Variants in QTGAL observed in about 807,000 individuals in gnomAD.
QTGAL encodes queuosine-tRNA galactosyltransferase.
At chr17:82,973,105 C>T in the QTGAL span, among the ~76,000 whole-genome samples, 2 of 152,234 alleles carry the variant, frequency 1.3e-5, no homozygotes, top group African/African-American at 2.4e-5. Context: ...GGGGCCACCG[C>T]CCACTCACAA....
At chr17:82,956,965 G>T in the QTGAL span, 3 of 941,700 alleles carry the variant, frequency 3.2e-6, no homozygotes, top group South Asian at 1.5e-5. This position sits in a 1 kb window ranked among gnomAD's most constrained non-coding sequence, Gnocchi z 5.7. Context: ...CCTGACACCC[G>T]ACTGCAGAAC....
chr17:82,990,738 C>T, the QTGAL span, among the ~76,000 whole-genome samples: 2 of 152,180 alleles, frequency 1.3e-5, no homozygotes, highest in African/African-American at 2.4e-5. Context: ...AAGCCCTAAC[C>T]CCCTATTTGA....
chr17:83,029,335 C>G, the QTGAL span, among the ~76,000 whole-genome samples: 1 of 152,158 alleles, frequency 6.6e-6, no homozygotes, highest in African/African-American at 2.4e-5. Flanking sequence ...GTGGTACCCA[C>G]TTTATAAAGT....
chr17:83,033,258 C>T, the QTGAL span, among the ~76,000 whole-genome samples: 15 of 152,100 alleles, frequency 9.9e-5, no homozygotes, highest in Non-Finnish European at 5.9e-5. Context: ...GGAGACCTGC[C>T]GGAAACTTCT....
chr17:83,012,017 C>T, the QTGAL span, among the ~76,000 whole-genome samples: 1 of 106,102 alleles, frequency 9.4e-6, no homozygotes, highest in African/African-American at 3.9e-5. Flanking sequence ...TCTCCCAGCT[C>T]GTTTGAACAC....
At chr17:83,029,688 G>A in the QTGAL span, among the ~76,000 whole-genome samples, 2,303 of 152,258 alleles carry the variant, frequency 0.015, 58 homozygotes, top group African/African-American at 0.052. Flanking sequence ...AGGACACAGC[G>A]CGTCTGCACG....
the QTGAL span, among the ~76,000 whole-genome samples, chr17:82,951,642 G>A: frequency 2.6e-4 from 40 of 152,226 alleles, no homozygotes; most frequent in East Asian, 9.6e-4. Flanking sequence ...CGTGGCTTTC[G>A]ACATGCCTTC....
At chr17:82,953,240 A>T in the QTGAL span, among the ~76,000 whole-genome samples, 54 of 152,230 alleles carry the variant, frequency 3.5e-4, no homozygotes, top group African/African-American at 1.3e-3. Context: ...AAAATCAATG[A>T]CTGGTTTTTT....
At chr17:82,944,588 G>C in the QTGAL span, 1 of 152,244 alleles carries the variant, frequency 6.6e-6, no homozygotes, top group Non-Finnish European at 1.5e-5. Flanking sequence ...TCCAGACTGT[G>C]TCCAATGGCA....
the QTGAL span, among the ~76,000 whole-genome samples, chr17:83,004,713 A>C: frequency 8.0e-5 from 9 of 112,108 alleles, no homozygotes; most frequent in Admixed American, 1.8e-4. Context: ...CCGCCCTCCC[A>C]CTCTCTGCAG....
At chr17:82,953,872 C>A in the QTGAL span, among the ~76,000 whole-genome samples, 1 of 152,236 alleles carries the variant, frequency 6.6e-6, no homozygotes, top group African/African-American at 2.4e-5. Flanking sequence ...CATAATCCAT[C>A]ACATAAACAG....
chr17:83,020,789 G>A, the QTGAL span, among the ~76,000 whole-genome samples: 14 of 152,226 alleles, frequency 9.2e-5, no homozygotes, highest in Non-Finnish European at 1.5e-5. Context: ...AAGGAAACAC[G>A]GGGTTCAGGG....
the QTGAL span, chr17:83,005,096 A>G: frequency 2.5e-5 from 40 of 1,583,192 alleles, no homozygotes; most frequent in Middle Eastern, 1.9e-4. This position sits in a 1 kb window ranked among gnomAD's most constrained non-coding sequence, Gnocchi z 5.6. Context: ...TGCCCCAGAC[A>G]AGGCGCCAGG....
At chr17:83,033,517 G>C in the QTGAL span, among the ~76,000 whole-genome samples, 1 of 151,338 alleles carries the variant, frequency 6.6e-6, no homozygotes, top group African/African-American at 2.4e-5. Flanking sequence ...TGTCGCCCAG[G>C]CTGGAGTGCA....
the QTGAL span, among the ~76,000 whole-genome samples, chr17:82,970,628 GCCGCGAC>G: frequency 9.9e-6 from 1 of 100,582 alleles, no homozygotes; most frequent in African/African-American, 4.8e-5. Context: ...ACCCGGCGTG[GCCGCGAC>G]CTCCGCACCC....
the QTGAL span, among the ~76,000 whole-genome samples, chr17:83,041,645 T>C: frequency 6.6e-6 from 1 of 152,200 alleles, no homozygotes. Flanking sequence ...TGCTGTAAGT[T>C]TAAAACATCA....
chr17:82,966,069 C>T, the QTGAL span, among the ~76,000 whole-genome samples: 49 of 148,990 alleles, frequency 3.3e-4, no homozygotes, highest in Non-Finnish European at 5.8e-4. Flanking sequence ...GCCACCACAC[C>T]TGGCTGATTT....
At chr17:83,043,014 G>A in the QTGAL span, among the ~76,000 whole-genome samples, 2 of 152,210 alleles carry the variant, frequency 1.3e-5, no homozygotes, top group African/African-American at 2.4e-5. Flanking sequence ...TCTAACAAGA[G>A]GGTCACAAAA....
chr17:82,979,016 T>C, the QTGAL span, among the ~76,000 whole-genome samples: 1 of 152,084 alleles, frequency 6.6e-6, no homozygotes, highest in Non-Finnish European at 1.5e-5. Flanking sequence ...CATGCTTACA[T>C]TAAAAGAGAA....
Sources: gnomAD v4.1 joint callset for allele counts (sites outside exome capture counted in the v4.1 genomes callset) on GRCh38, gnomAD v4.1.1 for gene constraint, Gnocchi (gnomAD v3.1) non-coding constraint, MANE v1.5 for transcripts, NCBI Gene and HGNC (gene_info 2026-07-23, HGNC 2026-07-21) for gene names.